The following E2F3 variants were observed in gnomAD, a reference collection of about 807,000 sequenced individuals.
E2F3 encodes the protein E2F transcription factor 3.
A neutral mutation model predicts 44.4 loss-of-function variants in E2F3; 11 were observed. The observed-to-expected ratio is 0.25, with a 90% CI of 0.16 to 0.41. The LOEUF is 0.41. Ranked by LOEUF, E2F3 falls within the 10% of genes least tolerant of loss-of-function variation. The pLI is 1.00. For missense variants in E2F3, 487 were observed against 583.6 expected (o/e 0.83, Z 1.70); for synonymous variants, 249 against 253.0 (o/e 0.98, Z 0.15).
chr6:20,402,212 T>C lies in E2F3; in HGVS notation c.-21T>C, dbSNP rs778964929. The C allele has an allele frequency of 6.4e-7, 1 of 1,570,340 alleles. No individual in the cohort carries two copies. Among genetic ancestry groups the C allele is most frequent in the South Asian group, 1.2e-5 (1 of 84,712 alleles). Reference sequence around the variant, plus strand: ...ACAATACATTAATATACCATAACACTAAAAAGAGCAGGAGCGAGAGATGAG... The same window carrying C: ...ACAATACATTAATATACCATAACACCAAAAAGAGCAGGAGCGAGAGATGAG... On this transcript the variant is annotated 5_prime_UTR_variant, in exon 1 of 7. Coordinates refer to ENST00000346618, the MANE Select transcript of E2F3 (RefSeq NM_001949.5). The surrounding 1 kb of genome is among the most constrained non-coding windows in gnomAD (Gnocchi z 5.6).
chr6:20,410,403 A>C (rs1759633457), intron 1 of E2F3, among the ~76,000 whole-genome samples: 1 of 152,206 alleles, frequency 6.6e-6, no homozygotes, highest in South Asian at 2.1e-4. Flanking sequence ...TTTGGGCAAG[A>C]AACTTGGCCT....
At position 20,460,745 on chromosome 6, in the gene E2F3, C is replaced by G. The variant is rs538742630; in HGVS notation, c.394-19101C>G. On this transcript the variant is annotated intron_variant, in intron 1 of 6. Transcript: ENST00000346618. ...GCATGGTGGCTCACGCCCGTAATCC[C>G]AGCACTTTGGGAGGCCGAGGAGGGC... is the stretch of plus-strand genomic sequence containing the variant. Among the ~76,000 whole-genome samples the G allele has an allele frequency of 1.1e-3, 164 of 152,174 alleles. 1 individual carries two copies. Among genetic ancestry groups the G allele is most frequent in the African/African-American group, 3.8e-3 (156 of 41,518 alleles).
intron 1 of E2F3, among the ~76,000 whole-genome samples, chr6:20,412,055 C>T (rs1427533872): frequency 6.6e-6 from 1 of 152,114 alleles, no homozygotes; most frequent in African/African-American, 2.4e-5. Context: ...TGTGATCCGC[C>T]CACTCTTGAG....
At position 20,437,328 on chromosome 6, in the gene E2F3, G is replaced by A. The variant is rs541340697; in HGVS notation, c.393+34703G>A. Reference sequence around the variant, plus strand: ...TTTTTGTTTCTTGATCCGGGGCAAGGCTATTATTCTGGTTTCCAATACCCT... The same window carrying A: ...TTTTTGTTTCTTGATCCGGGGCAAGACTATTATTCTGGTTTCCAATACCCT... On this transcript the variant is annotated intron_variant, in intron 1 of 6. Coordinates refer to ENST00000346618, the MANE Select transcript of E2F3 (RefSeq NM_001949.5). Among the ~76,000 whole-genome samples the A allele has an allele frequency of 1.5e-4, 23 of 152,272 alleles. No homozygotes were observed. In the South Asian group the frequency reaches 2.3e-3, roughly 15 times the overall value.
intron 6 of E2F3, among the ~76,000 whole-genome samples, chr6:20,488,657 T>C (rs1245580747): frequency 8.6e-5 from 13 of 151,822 alleles, no homozygotes; most frequent in South Asian, 2.1e-4. Flanking sequence ...TGTCTTATTT[T>C]CCCCCCCAAT....
At chr6:20,452,401 T>A (rs1159810280) in intron 1 of E2F3, 1 of 152,120 alleles carries the variant, frequency 6.6e-6, no homozygotes, top group Non-Finnish European at 1.5e-5. Flanking sequence ...ATATGCCCCT[T>A]CCTTGCACAG....
chr6:20,468,450 G>A (rs1561876583), intron 1 of E2F3, among the ~76,000 whole-genome samples: 2 of 152,216 alleles, frequency 1.3e-5, no homozygotes, highest in Non-Finnish European at 2.9e-5. Context: ...CAAGGCATGT[G>A]AGAAGGAGCA....
chr6:20,411,759 C>A (rs750668595), intron 1 of E2F3, among the ~76,000 whole-genome samples: 1 of 152,216 alleles, frequency 6.6e-6, no homozygotes, highest in Admixed American at 6.5e-5. Context: ...CACAGCCTCC[C>A]CCAGTTTCCC....
intron 1 of E2F3, among the ~76,000 whole-genome samples, chr6:20,419,987 T>C (rs187114305): frequency 7.4e-4 from 112 of 152,352 alleles, no homozygotes; most frequent in African/African-American, 2.6e-3. Context: ...CTCCTCAGCC[T>C]ACTGAGTAGC....
chr6:20,474,181 C>T (rs1761976101), intron 1 of E2F3, among the ~76,000 whole-genome samples: 1 of 152,020 alleles, frequency 6.6e-6, no homozygotes, highest in African/African-American at 2.4e-5. Context: ...AAGTGATCCT[C>T]TTGCCTCAGT....
intron 4 of E2F3, among the ~76,000 whole-genome samples, chr6:20,483,572 G>T (rs115305041): frequency 6.6e-6 from 1 of 152,012 alleles, no homozygotes; most frequent in African/African-American, 2.4e-5. Context: ...ATTAGTCCTC[G>T]CAAATAAAAA....
intron 1 of E2F3, among the ~76,000 whole-genome samples, chr6:20,451,709 C>T (rs931936496): frequency 2.6e-5 from 4 of 152,094 alleles, no homozygotes; most frequent in Admixed American, 2.6e-4. Context: ...TCATCGATGG[C>T]TCTTAATATT....
intron 1 of E2F3, among the ~76,000 whole-genome samples, chr6:20,457,487 C>T (rs1051900891): frequency 1.3e-5 from 2 of 151,848 alleles, no homozygotes; most frequent in South Asian, 2.1e-4. Flanking sequence ...GCACCTAGCC[C>T]GTTCTCTCTT....
At chr6:20,485,254 G>A (rs1255129338) in intron 4 of E2F3, among the ~76,000 whole-genome samples, 1 of 152,058 alleles carries the variant, frequency 6.6e-6, no homozygotes, top group Non-Finnish European at 1.5e-5. Context: ...TGGCTGTCAG[G>A]ACATTTAAAA....
intron 1 of E2F3, among the ~76,000 whole-genome samples, chr6:20,456,092 T>G (rs1390742229): frequency 1.3e-5 from 2 of 152,160 alleles, no homozygotes; most frequent in Non-Finnish European, 2.9e-5. Context: ...AATTTAGCTT[T>G]TGCCAGGTTC....
At position 20,448,530 on chromosome 6, in the gene E2F3, A is replaced by G. The variant is rs1454688638; in HGVS notation, c.394-31316A>G. Among the ~76,000 whole-genome samples the G allele has an allele frequency of 2.0e-5, 3 of 152,222 alleles. No individual in the cohort carries two copies. The East Asian group carries it at 5.8e-4, about 29-fold the overall frequency. On this transcript the variant is annotated intron_variant, in intron 1 of 6. Coordinates refer to ENST00000346618, the MANE Select transcript of E2F3 (RefSeq NM_001949.5). ...GTAAAATATGATTTTTTTAGGGAATATGTAAAAACTGGCATCTCTTCAGAT... is the reference window on the plus strand; with the variant it reads ...GTAAAATATGATTTTTTTAGGGAATGTGTAAAAACTGGCATCTCTTCAGAT...
At chr6:20,460,606 T>TA (rs976889251) in intron 1 of E2F3, among the ~76,000 whole-genome samples, 4 of 152,154 alleles carry the variant, frequency 2.6e-5, no homozygotes, top group African/African-American at 9.7e-5. Flanking sequence ...TATAGTGCTA[T>TA]AATAAACATC....
intron 1 of E2F3, among the ~76,000 whole-genome samples, chr6:20,441,704 A>G (rs1760778624): frequency 2.0e-5 from 3 of 147,862 alleles, no homozygotes; most frequent in Non-Finnish European, 4.4e-5. Context: ...CCTCCTAAGT[A>G]GCTGAGATCA....
At chr6:20,461,907 G>A (rs6938550) in intron 1 of E2F3, among the ~76,000 whole-genome samples, 134,557 of 152,254 alleles carry the variant, frequency 0.88, 59,643 homozygotes, top group East Asian at 0.94. Flanking sequence ...TCAGTTTCTC[G>A]TATTTTCAGC....
Sources: allele counts gnomAD v4.1 joint callset (sites outside exome capture counted in the v4.1 genomes callset), GRCh38; gene constraint gnomAD v4.1.1; non-coding constraint Gnocchi (gnomAD v3.1); transcripts MANE v1.5; gene names NCBI Gene and HGNC (gene_info 2026-07-23, HGNC 2026-07-21).